Variants in OR4C46 observed in about 807,000 individuals in gnomAD.
The protein encoded by OR4C46 is olfactory receptor family 4 subfamily C member 46.
In OR4C46, 17 loss-of-function variants were observed where a neutral mutation model predicts 11.8. The ratio of observed to expected loss-of-function variants is 1.44; its 90% confidence interval spans 0.98 to 2.16. The LOEUF (loss-of-function observed/expected upper bound fraction) is 2.16. OR4C46 is among the 30% of genes most tolerant of loss of function. The probability of loss-of-function intolerance (pLI) is 0.00; values close to 1 mark genes in which losing one functional copy is unlikely to be tolerated. For missense variants in OR4C46, 606 were observed against 372.1 expected, an observed-to-expected ratio of 1.63 and a Z score of -5.17; for synonymous variants, 224 against 137.6, an observed-to-expected ratio of 1.63 and a Z score of -4.39.
Position 54,603,857 on chromosome 11 carries a change from T to A in OR4C46, c.142A>T (p.Thr48Ser), listed in dbSNP as rs779666317. The A allele has an allele frequency of 8.1e-6, 13 of 1,600,186 alleles. No individual in the cohort carries two copies. Among genetic ancestry groups the A allele is most frequent in the Non-Finnish European group, 1.1e-5 (13 of 1,179,464 alleles). Reference sequence around the variant, plus strand: ...GGGGACCCCAGTGATGGGCTGGCAGTGATGGTGACCACAATGAGCACATAT... The same window carrying A: ...GGGGACCCCAGTGATGGGCTGGCAGAGATGGTGACCACAATGAGCACATAT... ...VGYVLIVVTITASPSLGSPMY... is the reference protein window; with the variant it reads ...VGYVLIVVTISASPSLGSPMY... The change falls in exon 1 of 1, where the codon ACT becomes TCT. Residue 48 changes from threonine (T) to serine (S), a missense_variant. Thr to Ser is a moderately conservative substitution (Grantham distance 58). Coordinates refer to ENST00000328188, the MANE Select transcript of OR4C46 (RefSeq NM_001004703.1).
At position 54,603,726 on chromosome 11, in the gene OR4C46, T is replaced by C. The variant is rs1863000653; in HGVS notation, c.273A>G (p.Leu91=). Reference sequence around the variant, plus strand: ...AGACTTGAGTCATGCATCCATTGAATAGGATGGCCTTCTTTCCATAGAGTG... The same window carrying C: ...AGACTTGAGTCATGCATCCATTGAACAGGATGGCCTTCTTTCCATAGAGTG... ...THSLYGKKAI[L]FNGCMTQVFG... The change falls in exon 1 of 1, where the codon CTA becomes CTG. Residue 91 remains leucine, a synonymous_variant. Coordinates refer to ENST00000328188, the MANE Select transcript of OR4C46 (RefSeq NM_001004703.1). 9 of 1,613,932 alleles carry C rather than the reference T, an allele frequency of 5.6e-6. No individual in the cohort carries two copies. The African/African-American group carries it at 9.3e-5, about 17-fold the overall frequency.
chr11:54,603,729 G>T lies in OR4C46; in HGVS notation c.270C>A (p.Ile90=). The T allele has an allele frequency of 1.2e-6, 2 of 1,613,964 alleles. No individual in the cohort carries two copies. The highest frequency in any genetic ancestry group is 2.2e-5 in the South Asian group (2 of 91,072). ...ITHSLYGKKA[I]LFNGCMTQVF... Reference sequence around the variant, plus strand: ...CTTGAGTCATGCATCCATTGAATAGGATGGCCTTCTTTCCATAGAGTGAAT... The same window carrying T: ...CTTGAGTCATGCATCCATTGAATAGTATGGCCTTCTTTCCATAGAGTGAAT... Residue 90 remains isoleucine (I), a synonymous_variant, in exon 1 of 1, where the codon ATC becomes ATA. Coordinates refer to ENST00000328188, the MANE Select transcript of OR4C46 (RefSeq NM_001004703.1).
At position 54,603,716 on chromosome 11, in the gene OR4C46, A is replaced by C. The variant is rs1338402926; in HGVS notation, c.283T>G (p.Cys95Gly). 5.0e-6 allele frequency: 8 copies of C among 1,614,034 alleles called. No homozygotes were observed. The highest frequency in any genetic ancestry group is 6.8e-6 in the Non-Finnish European group (8 of 1,179,920). The change falls in exon 1 of 1, where the codon TGC (cysteine) becomes GGC (glycine). Residue 95 changes from cysteine (C) to glycine (G), a missense_variant. By Grantham distance (159) the Cys-to-Gly change is radical (BLOSUM62 -3). Transcript: ENST00000328188. ...YGKKAILFNG[C>G]MTQVFGEHFF... ...TGTTCTCCAAAGACTTGAGTCATGC[A>C]TCCATTGAATAGGATGGCCTTCTTT...
chr11:54,603,543 A>T lies in OR4C46; in HGVS notation c.456T>A (p.Leu152=), dbSNP rs1862994227. 1 of 1,613,932 alleles carries T rather than the reference A, an allele frequency of 6.2e-7. No individual in the cohort carries two copies. Residue 152 remains leucine, a synonymous_variant, in exon 1 of 1, where the codon CTT becomes CTA. Coordinates refer to ENST00000328188, the MANE Select transcript of OR4C46 (RefSeq NM_001004703.1). ...TGAAGAGGATCTGTATGGTTGCATG[A>T]AGAAAGCCTCCCATCCACACCACTC... ...LMGVVWMGGF[L]HATIQILFIF...
rs1307014586 is a variant in OR4C46 at position 54,603,196 on chromosome 11, G to A, written c.803C>T (p.Ala268Val). Reference sequence around the variant, plus strand: ...TATCATAGTGTAGAATATAGCAACTGCTTTATCAATAGGTAAAGTAGCTGC... The same window carrying A: ...TATCATAGTGTAGAATATAGCAACTACTTTATCAATAGGTAAAGTAGCTGC... ...RPAATLPIDK[A>V]VAIFYTMITP... Residue 268 changes from alanine (A) to valine (V), a missense_variant, in exon 1 of 1, where the codon GCA becomes GTA. Physicochemically the swap from Ala to Val is moderately conservative, Grantham distance 64. Coordinates refer to ENST00000328188, the MANE Select transcript of OR4C46 (RefSeq NM_001004703.1). 1.0e-5 allele frequency: 16 copies of A among 1,591,618 alleles called. No homozygotes were observed. Among genetic ancestry groups the A allele is most frequent in the East Asian group, 4.5e-5 (2 of 44,682 alleles).
In OR4C46 at chr11:54,603,987, C is replaced by T. The variant is rs1308431987; in HGVS notation, c.12G>A (p.Arg4=). 6.2e-7 allele frequency: 1 copy of T among 1,610,698 alleles called. No individual in the cohort carries two copies. Among genetic ancestry groups the T allele is most frequent in the Admixed American group, 1.7e-5 (1 of 59,986 alleles). Residue 4 remains arginine, a synonymous_variant, in exon 1 of 1, where the codon AGG becomes AGA. Coordinates refer to ENST00000328188, the MANE Select transcript of OR4C46 (RefSeq NM_001004703.1). MEN[R]NNMTEFVLLG... ...GCAAAACAAACTCTGTCATGTTATT[C>T]CTATTCTCCATGTATTTCTCATGAT...
Position 54,603,310 on chromosome 11 carries a change from G to T in OR4C46, c.689C>A (p.Ala230Glu). ...ACAGGTGGAGAGGGCTTTGTGCCTT[G>T]CCTCCAAGCTATGAGTCCTTAGGGA... ...LCSLRTHSLE[A>E]RHKALSTCVS... The change falls in exon 1 of 1, where the codon GCA becomes GAA. Residue 230 changes from alanine (A) to glutamate (E), a missense_variant. Coordinates refer to ENST00000328188, the MANE Select transcript of OR4C46 (RefSeq NM_001004703.1). The T allele has an allele frequency of 2.5e-6, 4 of 1,613,664 alleles. No individual in the cohort carries two copies. The highest frequency in any genetic ancestry group is 3.4e-6 in the Non-Finnish European group (4 of 1,179,720).
rs1247668279 is a variant in OR4C46, at chr11:54,603,364, A to G, written c.635T>C (p.Leu212Pro). 6.2e-7 allele frequency: 1 copy of G among 1,613,792 alleles called. No individual in the cohort carries two copies. The highest frequency in any genetic ancestry group is 2.2e-5 in the East Asian group (1 of 44,834). The change falls in exon 1 of 1, where the codon CTG becomes CCG. Residue 212 changes from leucine (L) to proline (P), a missense_variant. Coordinates refer to ENST00000328188, the MANE Select transcript of OR4C46 (RefSeq NM_001004703.1). Reference sequence around the variant, plus strand: ...CAAGATGACCACATAGGAGACCAGCAGGAGGGCAAAGTTTAACAAGCAGAT... The same window carrying G: ...CAAGATGACCACATAGGAGACCAGCGGGAGGGCAAAGTTTAACAAGCAGAT... The part of the protein sequence containing the change: ...GFICLLNFAL[L>P]LVSYVVILCS...
rs372504043 is a variant in OR4C46 at position 54,603,829 on chromosome 11, A to G, written c.170T>C (p.Met57Thr). The change falls in exon 1 of 1, where the codon ATG becomes ACG. Residue 57 changes from methionine to threonine, a missense_variant. Physicochemically the swap from Met to Thr is moderately conservative, Grantham distance 81. Coordinates refer to ENST00000328188, the MANE Select transcript of OR4C46 (RefSeq NM_001004703.1). ...GGAGAGATAGGCCAGGGAAAGGTAC[A>G]TGGGGGACCCCAGTGATGGGCTGGC... Reference protein sequence around the residue: ...ITASPSLGSPMYLSLAYLSFI... With the variant: ...ITASPSLGSPTYLSLAYLSFI... 5 of 1,613,344 alleles carry G rather than the reference A, an allele frequency of 3.1e-6. No homozygotes were observed. Among genetic ancestry groups the G allele is most frequent in the Admixed American group, 1.7e-5 (1 of 59,984 alleles).
rs1319652976 is a variant in OR4C46, at chr11:54,603,920, C to G, written c.79G>C (p.Val27Leu). 6.2e-7 allele frequency: 1 copy of G among 1,613,762 alleles called. No homozygotes were observed. Among genetic ancestry groups the G allele is most frequent in the Non-Finnish European group, 8.5e-7 (1 of 1,179,804 alleles). Residue 27 changes from valine to leucine, a missense_variant, in exon 1 of 1, where the codon GTT (valine) becomes CTT (leucine). Physicochemically the swap from Val to Leu is conservative, Grantham distance 32 (BLOSUM62 1). Coordinates refer to ENST00000328188, the MANE Select transcript of OR4C46 (RefSeq NM_001004703.1). ...ATGATATAGATGACAAAAAACACAA[C>G]AAATATGATTTTCTGCATCTTTGGA... ...ENPKMQKIIF[V>L]VFFVIYIITV...
chr11:54,603,699 A>G lies in OR4C46; in HGVS notation c.300T>C (p.Phe100=), dbSNP rs1239054730. ...CTGCACCTCCGAAGAAATGTTCTCC[A>G]AAGACTTGAGTCATGCATCCATTGA... ...ILFNGCMTQV[F]GEHFFGGAEG... Residue 100 remains phenylalanine, a synonymous_variant, in exon 1 of 1, where the codon TTT becomes TTC. Transcript: ENST00000328188. The G allele has an allele frequency of 4.3e-6, 7 of 1,613,926 alleles. No homozygotes were observed. The highest frequency in any genetic ancestry group is 5.9e-6 in the Non-Finnish European group (7 of 1,179,962).
rs1163810564 is a variant in OR4C46 at position 54,603,925 on chromosome 11, A to G, written c.74T>C (p.Ile25Thr). 9.3e-6 allele frequency: 15 copies of G among 1,613,654 alleles called. No homozygotes were observed. Among genetic ancestry groups the G allele is most frequent in the Non-Finnish European group, 1.3e-5 (15 of 1,179,726 alleles). Residue 25 changes from isoleucine to threonine, a missense_variant, in exon 1 of 1, where the codon ATA (isoleucine) becomes ACA (threonine). Physicochemically the swap from Ile to Thr is moderately conservative, Grantham distance 89. Transcript: ENST00000328188. ...ATAGATGACAAAAAACACAACAAAT[A>G]TGATTTTCTGCATCTTTGGATTCTC... is the stretch of plus-strand genomic sequence containing the variant. ...LTENPKMQKI[I>T]FVVFFVIYII...
Position 54,603,241 on chromosome 11 carries a change from A to C in OR4C46, c.758T>G (p.Ile253Arg). 6.2e-7 allele frequency: 1 copy of C among 1,612,428 alleles called. No homozygotes were observed. Among genetic ancestry groups the C allele is most frequent in the Admixed American group, 1.7e-5 (1 of 59,974 alleles). The change falls in exon 1 of 1, where the codon ATA becomes AGA. Residue 253 changes from isoleucine (I) to arginine (R), a missense_variant. Ile to Arg is a moderately conservative substitution (Grantham distance 97). Transcript: ENST00000328188. ...TVVILFFVPC[I>R]FVYMRPAATL... ...AGCTGCAGGTCTCATGTACACAAAT[A>C]TGCAGGGCACAAAGAATAAGATGAC... is the stretch of plus-strand genomic sequence containing the variant.
chr11:54,603,734 C>G lies in OR4C46; in HGVS notation c.265G>C (p.Ala89Pro), dbSNP rs61890419. 831 of 1,613,782 alleles carry G rather than the reference C, an allele frequency of 5.1e-4. 2 individuals carry two copies. The highest frequency in any genetic ancestry group is 6.6e-4 in the Non-Finnish European group (781 of 1,179,810). Reference protein sequence around the residue: ...LITHSLYGKKAILFNGCMTQV... With the variant: ...LITHSLYGKKPILFNGCMTQV... ...GTCATGCATCCATTGAATAGGATGG[C>G]CTTCTTTCCATAGAGTGAATGTGTG... Residue 89 changes from alanine (A) to proline (P), a missense_variant, in exon 1 of 1, where the codon GCC (alanine) becomes CCC (proline). Transcript: ENST00000328188.
Position 54,603,335 on chromosome 11 carries a change from A to G in OR4C46, c.664T>C (p.Ser222Pro), listed in dbSNP as rs1862988198. The change falls in exon 1 of 1, where the codon TCC becomes CCC. Residue 222 changes from serine (S) to proline (P), a missense_variant. Physicochemically the swap from Ser to Pro is moderately conservative, Grantham distance 74. Transcript: ENST00000328188. ...GCCTCCAAGCTATGAGTCCTTAGGG[A>G]GCACAAGATGACCACATAGGAGACC... ...LLVSYVVILC[S>P]LRTHSLEARH... 6.2e-7 allele frequency: 1 copy of G among 1,613,634 alleles called. No individual in the cohort carries two copies. The highest frequency in any genetic ancestry group is 8.5e-7 in the Non-Finnish European group (1 of 1,179,828).
chr11:54,603,366 G>T lies in OR4C46; in HGVS notation c.633C>A (p.Leu211=). Reference sequence around the variant, plus strand: ...AGATGACCACATAGGAGACCAGCAGGAGGGCAAAGTTTAACAAGCAGATGA... The same window carrying T: ...AGATGACCACATAGGAGACCAGCAGTAGGGCAAAGTTTAACAAGCAGATGA... ...SGFICLLNFA[L]LLVSYVVILC... The change falls in exon 1 of 1, where the codon CTC becomes CTA. Residue 211 remains leucine, a synonymous_variant. Coordinates refer to ENST00000328188, the MANE Select transcript of OR4C46 (RefSeq NM_001004703.1). 6.2e-7 allele frequency: 1 copy of T among 1,613,768 alleles called. No individual in the cohort carries two copies. Among genetic ancestry groups the T allele is most frequent in the Non-Finnish European group, 8.5e-7 (1 of 1,179,816 alleles).
In OR4C46 at chr11:54,603,535, G is replaced by A. The variant is rs1453624547; in HGVS notation, c.464C>T (p.Thr155Ile). The A allele has an allele frequency of 1.2e-6, 2 of 1,613,692 alleles. No homozygotes were observed. Among genetic ancestry groups the A allele is most frequent in the Admixed American group, 1.7e-5 (1 of 60,002 alleles). Residue 155 changes from threonine to isoleucine, a missense_variant, in exon 1 of 1, where the codon ACC becomes ATC. Physicochemically the swap from Thr to Ile is moderately conservative, Grantham distance 89. Transcript: ENST00000328188. Reference protein sequence around the residue: ...VVWMGGFLHATIQILFIFQLP... With the variant: ...VVWMGGFLHAIIQILFIFQLP... ...TTGGAAGATGAAGAGGATCTGTATG[G>A]TTGCATGAAGAAAGCCTCCCATCCA...
At position 54,603,968 on chromosome 11, in the gene OR4C46, C is replaced by G. The variant is rs1863013835; in HGVS notation, c.31G>C (p.Val11Leu). MENRNNMTEF[V>L]LLGLTENPKM... Reference sequence around the variant, plus strand: ...GGATTCTCTGTAAGCCCCAGCAAAACAAACTCTGTCATGTTATTCCTATTC... The same window carrying G: ...GGATTCTCTGTAAGCCCCAGCAAAAGAAACTCTGTCATGTTATTCCTATTC... The change falls in exon 1 of 1, where the codon GTT (valine) becomes CTT (leucine). Residue 11 changes from valine to leucine, a missense_variant. Val to Leu is a conservative substitution (Grantham distance 32). Transcript: ENST00000328188. The G allele has an allele frequency of 6.2e-7, 1 of 1,613,630 alleles. No homozygotes were observed. Among genetic ancestry groups the G allele is most frequent in the Non-Finnish European group, 8.5e-7 (1 of 1,179,580 alleles).
rs764793859 is a variant in OR4C46, at chr11:54,603,242, T to G, written c.757A>C (p.Ile253Leu). 5 of 1,612,470 alleles carry G rather than the reference T, an allele frequency of 3.1e-6. No homozygotes were observed. Among genetic ancestry groups the G allele is most frequent in the Non-Finnish European group, 8.5e-7 (1 of 1,178,668 alleles). Residue 253 changes from isoleucine (I) to leucine (L), a missense_variant, in exon 1 of 1, where the codon ATA becomes CTA. Ile to Leu is a conservative substitution (Grantham distance 5). Transcript: ENST00000328188. Reference sequence around the variant, plus strand: ...GCTGCAGGTCTCATGTACACAAATATGCAGGGCACAAAGAATAAGATGACA... The same window carrying G: ...GCTGCAGGTCTCATGTACACAAATAGGCAGGGCACAAAGAATAAGATGACA... ...TVVILFFVPC[I>L]FVYMRPAATL...
Sources: gnomAD v4.1 joint callset for allele counts on GRCh38, gnomAD v4.1.1 for gene constraint, MANE v1.5 for transcripts, NCBI Gene and HGNC (gene_info 2026-07-23, HGNC 2026-07-21) for gene names.